Variants in ABCB7 observed in about 807,000 individuals in gnomAD.
ABCB7 encodes the protein iron-sulfur clusters transporter ABCB7, mitochondrial.
In ABCB7, 7 loss-of-function variants were observed where a neutral mutation model predicts 54.4. That is an observed-to-expected ratio of 0.13 (90% CI 0.07 to 0.24). ABCB7 has a LOEUF of 0.24. Ranked by LOEUF, ABCB7 falls within the 10% of genes least tolerant of loss-of-function variation. The pLI is 1.00. For missense variants in ABCB7, 356 were observed against 570.4 expected (o/e 0.62, Z 3.83); for synonymous variants, 218 against 207.1 (o/e 1.05, Z -0.45).
intron 14 of ABCB7, among the ~76,000 whole-genome samples, chrX:75,061,142 A>G (rs754459141): frequency 8.9e-6 from 1 of 112,177 alleles, no homozygotes; most frequent in African/African-American, 3.2e-5. Flanking sequence ...CAAGGCCAAT[A>G]CTAAGAAAGC....
rs1353706280 is a variant in ABCB7 at position 75,136,421 on chromosome X, A to G, written c.168+19684T>C. 2.7e-5 allele frequency among the ~76,000 whole-genome samples: 3 copies of G among 111,854 alleles called. No individual in the cohort carries two copies. In the East Asian group the frequency reaches 8.4e-4, roughly 31 times the overall value. On this transcript the variant is annotated intron_variant, in intron 1 of 15. Coordinates refer to ENST00000373394, the MANE Select transcript of ABCB7 (RefSeq NM_001271696.3). ...AATTGTTAAAATCGCCATACTGCCC[A>G]AAGCAATTTAGATTCAATGCTATTC...
At chrX:75,095,116 A>G (rs2081579603) in intron 4 of ABCB7, among the ~76,000 whole-genome samples, 1 of 110,998 alleles carries the variant, frequency 9.0e-6, no homozygotes, top group Non-Finnish European at 1.9e-5. Context: ...GTTCTCATAC[A>G]TTAGGCACAA....
chrX:75,113,062 G>A (rs1360743719), intron 2 of ABCB7, 90 bp from the exon 3 acceptor site: 6 of 770,674 alleles, frequency 7.8e-6, no homozygotes, highest in African/African-American at 2.0e-5. Flanking sequence ...TCTAATGAAC[G>A]TTTCCAAAAC....
At chrX:75,123,548 G>A (rs1235994713) in intron 1 of ABCB7, among the ~76,000 whole-genome samples, 1 of 111,623 alleles carries the variant, frequency 9.0e-6, no homozygotes, top group African/African-American at 3.3e-5. Flanking sequence ...TTTTTCTATT[G>A]CTGTGAAAAA....
chrX:75,154,204 G>A (rs1403380417), intron 1 of ABCB7, among the ~76,000 whole-genome samples: 1 of 111,410 alleles, frequency 9.0e-6, no homozygotes, highest in Non-Finnish European at 1.9e-5. Context: ...AAAGGAAATG[G>A]TAGGATGTAA....
In ABCB7 at chrX:75,075,545, T is replaced by A. The variant is rs190892114; in HGVS notation, c.672A>T (p.Arg224Ser). 1.7e-6 allele frequency: 2 copies of A among 1,211,138 alleles called. No individual in the cohort carries two copies. Among genetic ancestry groups the A allele is most frequent in the South Asian group, 3.5e-5 (2 of 57,007 alleles). ...FGKVAQNSIR[R>S]IAKNVFLHLH... ...GATGGAGAAAGACATTTTTGGCTATTCTTCGGATTGAATTCTGGGCTACCT... is the reference window on the plus strand; with the variant it reads ...GATGGAGAAAGACATTTTTGGCTATACTTCGGATTGAATTCTGGGCTACCT... The change falls in exon 6 of 16, where the codon AGA becomes AGT. Residue 224 changes from arginine to serine, a missense_variant. By Grantham distance (110) the Arg-to-Ser change is moderately radical. Around this residue, in one of 2 missense-constraint regions of ABCB7, gnomAD observed 241 missense variants for 470.9 expected, o/e 0.51. Transcript: ENST00000373394.
chrX:75,145,996 C>G (rs1204806911), intron 1 of ABCB7, among the ~76,000 whole-genome samples: 1 of 110,780 alleles, frequency 9.0e-6, no homozygotes, highest in Non-Finnish European at 1.9e-5. Flanking sequence ...ACAAAAATCA[C>G]TAGCATTCCT....
chrX:75,125,623 T>G lies in ABCB7; in HGVS notation c.169-10792A>C, dbSNP rs770574400. Among the ~76,000 whole-genome samples, 4 of 111,166 alleles carry G rather than the reference T, an allele frequency of 3.6e-5. No individual in the cohort carries two copies. In the East Asian group the frequency reaches 8.5e-4, roughly 24 times the overall value. On this transcript the variant is annotated intron_variant, in intron 1 of 15. Coordinates refer to ENST00000373394, the MANE Select transcript of ABCB7 (RefSeq NM_001271696.3). ...GGTGTTCACTGATTTCTTTTTGTTC[T>G]GCCTGTTTTTAAATTCTTAGTTTAA...
chrX:75,112,836 G>T, intron 3 of ABCB7, 50 bp downstream of exon 3: 2 of 985,862 alleles, frequency 2.0e-6, no homozygotes, highest in African/African-American at 1.9e-5. Context: ...TATATCTTCT[G>T]TGCAAGGACA....
intron 14 of ABCB7, among the ~76,000 whole-genome samples, chrX:75,060,959 TG>T (rs2081278113): frequency 8.9e-6 from 1 of 112,019 alleles, no homozygotes; most frequent in Non-Finnish European, 1.9e-5. Context: ...CTTGGAAACC[TG>T]GGTCTAAGTA....
At position 75,073,903 on chromosome X, in the gene ABCB7, T is replaced by G. The variant is rs772487750; in HGVS notation, c.909A>C (p.Thr303=). ...FALVTLGTLG[T]YTAFTVAVTR... ...TGACTGCAACTGTGAATGCTGTGTATGTACCAAGTGTTCCAAGGGTTACCA... is the reference window on the plus strand; with the variant it reads ...TGACTGCAACTGTGAATGCTGTGTAGGTACCAAGTGTTCCAAGGGTTACCA... Residue 303 remains threonine (T), a synonymous_variant, in exon 7 of 16, where the codon ACA becomes ACC. Transcript: ENST00000373394. 4 of 1,209,341 alleles carry G rather than the reference T, an allele frequency of 3.3e-6. No individual in the cohort carries two copies. Among genetic ancestry groups the G allele is most frequent in the Admixed American group, 4.4e-5 (2 of 45,761 alleles).
chrX:75,128,331 AAAAAC>A (rs1298645392), intron 1 of ABCB7, among the ~76,000 whole-genome samples: 1 of 111,562 alleles, frequency 9.0e-6, no homozygotes, highest in Non-Finnish European at 1.9e-5. Context: ...CAAACCTGAC[AAAAAC>A]AAGCAATAGG....
chrX:75,115,266 CAAAAAAAAAA>C (rs1160024642), intron 1 of ABCB7, among the ~76,000 whole-genome samples: 46 of 13,246 alleles, frequency 3.5e-3, no homozygotes, highest in Non-Finnish European at 4.5e-3. Flanking sequence ...GACTCTGTCT[CAAAAAAAAAA>C]AAAAAAAAAA....
intron 1 of ABCB7, among the ~76,000 whole-genome samples, chrX:75,143,610 G>A (rs998284421): frequency 4.5e-5 from 5 of 111,136 alleles, no homozygotes; most frequent in African/African-American, 6.5e-5. Context: ...AGACATACCC[G>A]AGACTGGGAA....
At chrX:75,123,277 T>A (rs2081896436) in intron 1 of ABCB7, among the ~76,000 whole-genome samples, 1 of 111,989 alleles carries the variant, frequency 8.9e-6, no homozygotes, top group Non-Finnish European at 1.9e-5. Context: ...CATGATTTAT[T>A]GAAAAGACTA....
At chrX:75,119,080 TTAA>T (rs1449898129) in intron 1 of ABCB7, among the ~76,000 whole-genome samples, 1 of 111,973 alleles carries the variant, frequency 8.9e-6, no homozygotes, top group Non-Finnish European at 1.9e-5. Context: ...ATTAATTGGT[TTAA>T]TAATAACAAA....
intron 4 of ABCB7, among the ~76,000 whole-genome samples, chrX:75,088,170 A>T (rs1226547028): frequency 8.9e-6 from 1 of 112,340 alleles, no homozygotes; most frequent in Admixed American, 9.5e-5. Context: ...TCTGACACCT[A>T]CAGCTACAGC....
chrX:75,095,210 C>T (rs2081580395), intron 4 of ABCB7, among the ~76,000 whole-genome samples: 2 of 111,357 alleles, frequency 1.8e-5, no homozygotes, highest in Admixed American at 1.9e-4. Flanking sequence ...GTTATGATAC[C>T]ACTACAGCCA....
At chrX:75,132,471 G>A (rs1400448736) in intron 1 of ABCB7, among the ~76,000 whole-genome samples, 3 of 112,729 alleles carry the variant, frequency 2.7e-5, no homozygotes, top group Non-Finnish European at 5.6e-5. Flanking sequence ...TGCCAAGGTC[G>A]CCAACCCTGT....
Sources: allele counts gnomAD v4.1 joint callset (sites outside exome capture counted in the v4.1 genomes callset), GRCh38; gene constraint gnomAD v4.1.1; regional missense constraint gnomAD v4.1.1; transcripts MANE v1.5; gene names NCBI Gene and HGNC (gene_info 2026-07-23, HGNC 2026-07-21).